Variants in PI4KA observed in about 807,000 individuals in gnomAD.
The protein encoded by PI4KA is phosphatidylinositol 4-kinase alpha.
PI4KA carries 122 observed loss-of-function variants against 271.4 expected under a neutral mutation model. The ratio of observed to expected loss-of-function variants is 0.45; its 90% CI spans 0.39 to 0.52. The LOEUF (loss-of-function observed/expected upper bound fraction) is 0.52. Among genes scored for constraint, PI4KA ranks in the 20% least tolerant of loss-of-function variants. The pLI is 0.00. For missense variants in PI4KA, 1,969 were observed against 2,769.1 expected (o/e 0.71, Z 6.48); for synonymous variants, 1,041 against 1,078.8 (o/e 0.96, Z 0.69).
rs374168193 is a variant in PI4KA, at chr22:20,819,831, A to G, written c.599T>C (p.Met200Thr). The G allele has an allele frequency of 6.2e-6, 10 of 1,613,856 alleles. No homozygotes were observed. Among genetic ancestry groups the G allele is most frequent in the African/African-American group, 1.3e-5 (1 of 74,924 alleles). ...GAGCTTTGAGAGGAGAGACTCTTCC[A>G]TGTTGCTGTAACGCCCAAATGCTCG... The part of the protein sequence containing the change: ...ISRAFGRYSN[M>T]EESLLSKLFP... Residue 200 changes from methionine (M) to threonine (T), a missense_variant, in exon 6 of 55, where the codon ATG (methionine) becomes ACG (threonine). Physicochemically the swap from Met to Thr is moderately conservative, Grantham distance 81 (BLOSUM62 -1). Coordinates refer to ENST00000255882, the MANE Select transcript of PI4KA (RefSeq NM_058004.4).
intron 1 of PI4KA, among the ~76,000 whole-genome samples, chr22:20,852,601 T>A (rs1202296198): frequency 6.6e-6 from 1 of 152,192 alleles, no homozygotes; most frequent in Non-Finnish European, 1.5e-5. Context: ...GTTGATTTAA[T>A]AACAATGATT....
chr22:20,770,236 G>A (rs542081101), intron 19 of PI4KA, among the ~76,000 whole-genome samples: 34 of 151,552 alleles, frequency 2.2e-4, no homozygotes, highest in Admixed American at 1.6e-3. Context: ...TTGCTAGCCG[G>A]GAGCAGTGGC....
intron 2 of PI4KA, among the ~76,000 whole-genome samples, chr22:20,834,896 C>A (rs534275672): frequency 6.6e-6 from 1 of 152,334 alleles, no homozygotes; most frequent in Middle Eastern, 3.4e-3. Context: ...AGGGTTCGCA[C>A]CTGCCTTCTG....
In PI4KA at chr22:20,809,002, G is replaced by A. The variant is rs559052923; in HGVS notation, c.1072-1544C>T. On this transcript the variant is annotated intron_variant, in intron 9 of 54. Coordinates refer to ENST00000255882, the MANE Select transcript of PI4KA (RefSeq NM_058004.4). ...AAAGAATCATGTGGAGAGTGTGAGA[G>A]TCATGCCAATTCCCAGGAGGACACT... Among the ~76,000 whole-genome samples, 3 of 152,186 alleles carry A rather than the reference G, an allele frequency of 2.0e-5. No individual in the cohort carries two copies. The South Asian group carries it at 6.2e-4, about 32-fold the overall frequency.
At chr22:20,841,936 C>T (rs923380599) in intron 1 of PI4KA, among the ~76,000 whole-genome samples, 6 of 152,128 alleles carry the variant, frequency 3.9e-5, no homozygotes, top group African/African-American at 1.4e-4. Context: ...GAAATGATGG[C>T]TGGGTGCGGT....
In PI4KA at chr22:20,834,556, A is replaced by G; in HGVS notation, c.367+6T>C. On this transcript the variant is annotated splice_donor_region_variant and intron_variant, in intron 3 of 54. Coordinates refer to ENST00000255882, the MANE Select transcript of PI4KA (RefSeq NM_058004.4). ...TATATTCAGGGAAAACATTATATAC[A>G]ATTACCTCTGCCTTTCCGAGCTGTG... The G allele has an allele frequency of 6.5e-7, 1 of 1,540,154 alleles. No homozygotes were observed. The highest frequency in any genetic ancestry group is 9.0e-7 in the Non-Finnish European group (1 of 1,112,692).
At chr22:20,719,098 G>T (rs1369337195) in intron 43 of PI4KA, among the ~76,000 whole-genome samples, 1 of 152,084 alleles carries the variant, frequency 6.6e-6, no homozygotes, top group Non-Finnish European at 1.5e-5. Flanking sequence ...CACGCAGGAA[G>T]AAAAAAGCCC....
chr22:20,843,887 T>G (rs1029066976), intron 1 of PI4KA, among the ~76,000 whole-genome samples: 7 of 152,186 alleles, frequency 4.6e-5, no homozygotes, highest in Admixed American at 6.5e-5. Flanking sequence ...CCCCAAAACT[T>G]CTCTCATAAA....
In PI4KA at chr22:20,734,412, G is replaced by A. The variant is rs1400850943; in HGVS notation, c.3883C>T (p.His1295Tyr). The change falls in exon 33 of 55, where the codon CAC becomes TAC. Residue 1295 changes from histidine to tyrosine, a missense_variant. Around this residue, in one of 13 missense-constraint regions of PI4KA, gnomAD observed 203 missense variants for 256.8 expected, o/e 0.79. Coordinates refer to ENST00000255882, the MANE Select transcript of PI4KA (RefSeq NM_058004.4). ...GCACGTACGTCGATCCAGATGTAGT[G>A]GGGGGTCACTTCGGGGGGACAGGGT... ...PKPCPPEVTP[H>Y]YIWIDFLVQR... 6.3e-7 allele frequency: 1 copy of A among 1,590,648 alleles called. No homozygotes were observed. Among genetic ancestry groups the A allele is most frequent in the East Asian group, 2.2e-5 (1 of 44,622 alleles).
chr22:20,763,019 G>GA (rs1569001988), intron 22 of PI4KA, among the ~76,000 whole-genome samples: 1 of 76,694 alleles, frequency 1.3e-5, no homozygotes, highest in Non-Finnish European at 2.6e-5. Flanking sequence ...TTTTTTTTTG[G>GA]GGGGGGGGGG....
chr22:20,761,488 CCT>C, intron 22 of PI4KA, 102 bp from the exon 23 acceptor site: 1 of 750,288 alleles, frequency 1.3e-6, no homozygotes, highest in Non-Finnish European at 2.4e-6. Context: ...GAACATTTGC[CCT>C]CTGTCATTCA....
intron 7 of PI4KA, among the ~76,000 whole-genome samples, chr22:20,816,471 A>G (rs1479891849): frequency 6.6e-6 from 1 of 152,060 alleles, no homozygotes; most frequent in Non-Finnish European, 1.5e-5. Flanking sequence ...GCAGTTTGGA[A>G]GAGGGCCTGG....
chr22:20,822,674 C>G (rs1001885166), intron 4 of PI4KA, among the ~76,000 whole-genome samples: 9 of 152,146 alleles, frequency 5.9e-5, no homozygotes, highest in African/African-American at 2.2e-4. Flanking sequence ...ACCATTTGGC[C>G]CTCAGCCCAT....
At chr22:20,751,847 A>C (rs1930735603) in intron 25 of PI4KA, 92 bp from the exon 26 acceptor site, 1 of 1,111,596 alleles carries the variant, frequency 9.0e-7, no homozygotes. Context: ...CCGAGCCCAT[A>C]TCTGCTTCAG....
chr22:20,716,344 A>T (rs2908768), intron 45 of PI4KA, among the ~76,000 whole-genome samples: 1 of 152,062 alleles, frequency 6.6e-6, no homozygotes, highest in Non-Finnish European at 1.5e-5. Context: ...GAGCCACCGC[A>T]CCCGGCCCAG....
chr22:20,836,618 A>G (rs1208448026), intron 2 of PI4KA, among the ~76,000 whole-genome samples: 1 of 152,188 alleles, frequency 6.6e-6, no homozygotes, highest in Non-Finnish European at 1.5e-5. Context: ...GACCTGAAGG[A>G]GGTCAATGCA....
At chr22:20,816,624 C>T (rs1921846971) in intron 7 of PI4KA, among the ~76,000 whole-genome samples, 1 of 151,856 alleles carries the variant, frequency 6.6e-6, no homozygotes, top group Non-Finnish European at 1.5e-5. Context: ...AGAGCAGGAC[C>T]CCAACTCAAA....
chr22:20,795,788 G>C (rs1260511717), intron 18 of PI4KA, among the ~76,000 whole-genome samples: 2 of 152,068 alleles, frequency 1.3e-5, no homozygotes, highest in Middle Eastern at 3.2e-3. Flanking sequence ...GTGTTCTGAT[G>C]ATGGGCCCTT....
chr22:20,838,178 G>A (rs969206147), intron 2 of PI4KA, among the ~76,000 whole-genome samples: 2 of 149,458 alleles, frequency 1.3e-5, no homozygotes, highest in Non-Finnish European at 3.0e-5. Context: ...ATACATAATC[G>A]CAATTTTGAA....
Sources: gnomAD v4.1 joint callset for allele counts (sites outside exome capture counted in the v4.1 genomes callset) on GRCh38, gnomAD v4.1.1 for gene constraint, gnomAD v4.1.1 regional missense constraint, MANE v1.5 for transcripts, NCBI Gene and HGNC (gene_info 2026-07-23, HGNC 2026-07-21) for gene names.